Variants in PRKG1 observed in about 807,000 individuals in gnomAD.
PRKG1 encodes protein kinase cGMP-dependent 1.
Under a neutral mutation model 88.1 loss-of-function variants are expected in PRKG1, and 35 were observed. The observed-to-expected ratio is 0.40, with a 90% CI of 0.30 to 0.53. The LOEUF (loss-of-function observed/expected upper bound fraction) is 0.53. Among genes scored for constraint, PRKG1 ranks in the 20% least tolerant of loss-of-function variants. The pLI, the probability that PRKG1 is intolerant of heterozygous loss-of-function variation, is 0.59. For synonymous variants in PRKG1, 303 were observed against 292.5 expected (o/e 1.04, Z -0.37); for missense variants, 540 against 839.8 (o/e 0.64, Z 4.41).
intron 2 of PRKG1, among the ~76,000 whole-genome samples, chr10:51,418,098 C>A (rs1838295319): frequency 6.6e-6 from 1 of 152,148 alleles, no homozygotes. Flanking sequence ...GGCCTTCTAG[C>A]AACTGTGAGT....
chr10:51,841,769 G>A (rs1362653082), intron 4 of PRKG1, among the ~76,000 whole-genome samples: 1 of 151,918 alleles, frequency 6.6e-6, no homozygotes, highest in East Asian at 1.9e-4. Flanking sequence ...TGCCACCTCT[G>A]CCTCCCAGGT....
intron 1 of PRKG1, among the ~76,000 whole-genome samples, chr10:51,016,324 C>G (rs1843058922): frequency 6.6e-6 from 1 of 152,126 alleles, no homozygotes; most frequent in Non-Finnish European, 1.5e-5. Flanking sequence ...GTTCTTTGTT[C>G]CTCTTCACCA....
chr10:52,039,560 C>T (rs887550091), intron 5 of PRKG1, among the ~76,000 whole-genome samples: 5 of 152,120 alleles, frequency 3.3e-5, no homozygotes, highest in Admixed American at 3.3e-4. Context: ...AGAGGCCTGA[C>T]AGTAAACATA....
chr10:51,331,501 G>A (rs1424057779), intron 2 of PRKG1, among the ~76,000 whole-genome samples: 1 of 152,138 alleles, frequency 6.6e-6, no homozygotes, highest in Non-Finnish European at 1.5e-5. Context: ...GCAAAGTCCT[G>A]TGCTCACTTT....
chr10:51,497,450 A>T (rs1840891407), intron 3 of PRKG1, among the ~76,000 whole-genome samples: 1 of 152,194 alleles, frequency 6.6e-6, no homozygotes, highest in South Asian at 2.1e-4. Context: ...GTGGGAGAAA[A>T]AAAGATTAAT....
intron 3 of PRKG1, among the ~76,000 whole-genome samples, chr10:51,664,986 A>G (rs1235662524): frequency 2.0e-5 from 3 of 152,150 alleles, no homozygotes; most frequent in Admixed American, 6.6e-5. Flanking sequence ...ATGGTTGGGA[A>G]CAGCAAATTA....
At chr10:52,223,936 C>T (rs1180868793) in intron 9 of PRKG1, among the ~76,000 whole-genome samples, 3 of 152,156 alleles carry the variant, frequency 2.0e-5, no homozygotes, top group Admixed American at 6.6e-5. Flanking sequence ...ACACTGCAGT[C>T]TAGGCCACAT....
intron 4 of PRKG1, among the ~76,000 whole-genome samples, chr10:51,840,793 G>A (rs553627044): frequency 1.3e-5 from 2 of 152,074 alleles, no homozygotes; most frequent in Non-Finnish European, 2.9e-5. Context: ...TGACCTGCCC[G>A]CCTTGGCCTC....
At chr10:52,176,602 G>A (rs1228333155) in intron 9 of PRKG1, among the ~76,000 whole-genome samples, 1 of 152,086 alleles carries the variant, frequency 6.6e-6, no homozygotes, top group Admixed American at 6.6e-5. Flanking sequence ...TCCATAGATT[G>A]CTTTGGCTAG....
At chr10:51,265,514 CATTTATTTTATTTTATTTTATTA>C (rs1473409177) in intron 2 of PRKG1, among the ~76,000 whole-genome samples, 2 of 152,072 alleles carry the variant, frequency 1.3e-5, no homozygotes, top group Non-Finnish European at 2.9e-5. Context: ...TCAGTAGTTA[CATTTATTTTATTTTATTTTATTA>C]TTTTATTTTA....
At chr10:52,145,273 A>G (rs1344732884) in intron 8 of PRKG1, among the ~76,000 whole-genome samples, 4 of 152,084 alleles carry the variant, frequency 2.6e-5, no homozygotes, top group Non-Finnish European at 5.9e-5. Flanking sequence ...AATGCTTGAA[A>G]CCTTACTATA....
At chr10:51,292,373 G>A (rs919158698) in intron 2 of PRKG1, among the ~76,000 whole-genome samples, 11 of 152,256 alleles carry the variant, frequency 7.2e-5, no homozygotes, top group Admixed American at 3.3e-4. Context: ...CAGAATGGGT[G>A]AGACTTGTCC....
intron 5 of PRKG1, among the ~76,000 whole-genome samples, chr10:51,970,037 CACACACACACA>C (rs1564733405): frequency 2.7e-4 from 24 of 90,042 alleles, no homozygotes; most frequent in African/African-American, 8.5e-4. Flanking sequence ...CACACACACA[CACACACACACA>C]CACCCATATT....
intron 5 of PRKG1, among the ~76,000 whole-genome samples, chr10:52,030,141 T>G (rs1004380250): frequency 6.6e-6 from 1 of 152,198 alleles, no homozygotes; most frequent in Non-Finnish European, 1.5e-5. Context: ...TTGTAACTCT[T>G]AAGTCTCAAG....
chr10:51,721,228 A>AAG (rs1277294910), intron 3 of PRKG1, among the ~76,000 whole-genome samples: 10 of 145,600 alleles, frequency 6.9e-5, no homozygotes, highest in African/African-American at 2.8e-4. Flanking sequence ...AAAAAAAAAA[A>AAG]AAAAGAAAAA....
chr10:51,189,402 G>T (rs1904683), intron 2 of PRKG1, among the ~76,000 whole-genome samples: 74,258 of 151,694 alleles, frequency 0.49, 18,717 homozygotes, highest in African/African-American at 0.63. Context: ...AGTAAGGTTT[G>T]TAGGCAGACA....
At chr10:51,620,150 C>T (rs943088214) in intron 3 of PRKG1, among the ~76,000 whole-genome samples, 2 of 151,982 alleles carry the variant, frequency 1.3e-5, no homozygotes, top group African/African-American at 4.8e-5. Context: ...TTGAGGATAA[C>T]TTGGACTATA....
At chr10:51,955,033 A>G (rs907443369) in intron 5 of PRKG1, among the ~76,000 whole-genome samples, 1 of 150,512 alleles carries the variant, frequency 6.6e-6, no homozygotes, top group Admixed American at 6.6e-5. Context: ...TCTTACATCT[A>G]TCACTTTTCA....
At chr10:52,199,500 A>G (rs1305755580) in intron 9 of PRKG1, among the ~76,000 whole-genome samples, 2 of 152,168 alleles carry the variant, frequency 1.3e-5, no homozygotes, top group African/African-American at 2.4e-5. Flanking sequence ...GTGTTTGTTT[A>G]TATTTTAGGG....
Sources: gnomAD v4.1 joint callset for allele counts (sites outside exome capture counted in the v4.1 genomes callset) on GRCh38, gnomAD v4.1.1 for gene constraint, MANE v1.5 for transcripts, NCBI Gene and HGNC (gene_info 2026-07-23, HGNC 2026-07-21) for gene names.